SLC35F1: variants seen among roughly 807,000 people sequenced by gnomAD.
SLC35F1 encodes the protein solute carrier family 35 member F1, also known as chromosome 6 open reading frame 169.
A neutral mutation model predicts 48.7 loss-of-function variants in SLC35F1; 14 were observed. That is an observed-to-expected ratio of 0.29 (90% CI 0.19 to 0.45). The LOEUF is 0.45. Among genes scored for constraint, SLC35F1 ranks in the 20% least tolerant of loss-of-function variants. SLC35F1 has a pLI of 1.00. For synonymous variants in SLC35F1, 190 were observed against 202.2 expected (o/e 0.94, Z 0.51); for missense variants, 404 against 500.0 (o/e 0.81, Z 1.83).
chr6:118,301,860 G>T (rs1027042229), intron 7 of SLC35F1, among the ~76,000 whole-genome samples: 2 of 152,160 alleles, frequency 1.3e-5, no homozygotes, highest in Non-Finnish European at 2.9e-5. Context: ...TCTGACCCTT[G>T]ATGTAGACTG....
intron 1 of SLC35F1, among the ~76,000 whole-genome samples, chr6:118,109,074 A>C (rs1487532937): frequency 6.6e-6 from 1 of 152,186 alleles, no homozygotes; most frequent in African/African-American, 2.4e-5. Context: ...TCACATGTAG[A>C]AACAACTTTT....
At chr6:117,923,678 C>CATATGTACATATATGT (rs1562238734) in intron 1 of SLC35F1, among the ~76,000 whole-genome samples, 10 of 20,988 alleles carry the variant, frequency 4.8e-4, no homozygotes, top group Non-Finnish European at 7.1e-4. Context: ...CATATATGTA[C>CATATGTACATATATGT]ATATATACAT....
At chr6:118,274,117 T>C (rs955658112) in intron 4 of SLC35F1, among the ~76,000 whole-genome samples, 4 of 152,174 alleles carry the variant, frequency 2.6e-5, no homozygotes, top group Non-Finnish European at 5.9e-5. Flanking sequence ...ATGAGTCCTT[T>C]CCTTAGAATC....
intron 1 of SLC35F1, among the ~76,000 whole-genome samples, chr6:118,129,058 G>A (rs1049895050): frequency 1.6e-4 from 25 of 152,092 alleles, no homozygotes; most frequent in African/African-American, 3.9e-4. Flanking sequence ...GAGAGGCAAG[G>A]TGCTTGGAAG....
chr6:118,169,706 A>G (rs72963632), intron 2 of SLC35F1, among the ~76,000 whole-genome samples: 414 of 152,248 alleles, frequency 2.7e-3, no homozygotes, highest in Non-Finnish European at 4.4e-3. Flanking sequence ...CATTATAGGC[A>G]CTGGATGACC....
intron 2 of SLC35F1, among the ~76,000 whole-genome samples, chr6:118,188,759 A>C (rs1694642019): frequency 6.6e-6 from 1 of 152,058 alleles, no homozygotes. Flanking sequence ...TATCTTGGCT[A>C]TTGTGCTTTG....
intron 2 of SLC35F1, among the ~76,000 whole-genome samples, chr6:118,177,106 T>A (rs926029343): frequency 4.6e-5 from 7 of 152,110 alleles, no homozygotes; most frequent in African/African-American, 1.7e-4. Context: ...TTCCTGAAAG[T>A]CACCTCAAGT....
rs544186189 is a variant in SLC35F1 at position 118,231,602 on chromosome 6, A to G, written c.350-3907A>G. On this transcript the variant is annotated intron_variant, in intron 2 of 7. Coordinates refer to ENST00000360388, the MANE Select transcript of SLC35F1 (RefSeq NM_001029858.4). ...ATTCTGCTAAGCAAGCATGTTGTCT[A>G]TTTTCAGGTACTTCAAATGAAACAA... Among the ~76,000 whole-genome samples, 9 of 152,300 alleles carry G rather than the reference A, an allele frequency of 5.9e-5. No homozygotes were observed. In the South Asian group the frequency reaches 1.9e-3, roughly 32 times the overall value.
intron 1 of SLC35F1, among the ~76,000 whole-genome samples, chr6:118,037,217 T>G (rs1772147292): frequency 6.6e-6 from 1 of 152,216 alleles, no homozygotes; most frequent in South Asian, 2.1e-4. Flanking sequence ...TCTTTTTATT[T>G]AAATCTTTTT....
At chr6:118,153,372 A>G (rs957711437) in intron 1 of SLC35F1, among the ~76,000 whole-genome samples, 4 of 152,232 alleles carry the variant, frequency 2.6e-5, no homozygotes, top group East Asian at 1.9e-4. Context: ...TTATTATACA[A>G]TGTGAACATG....
intron 3 of SLC35F1, among the ~76,000 whole-genome samples, chr6:118,242,916 GC>G (rs1708707662): frequency 6.6e-6 from 1 of 152,154 alleles, no homozygotes; most frequent in African/African-American, 2.4e-5. Context: ...TTCACACAGT[GC>G]ATATTTCACA....
intron 1 of SLC35F1, among the ~76,000 whole-genome samples, chr6:118,121,670 T>A (rs531589231): frequency 6.6e-6 from 1 of 152,318 alleles, no homozygotes; most frequent in Non-Finnish European, 1.5e-5. Flanking sequence ...ATTCTGGTGC[T>A]TAACACCCCA....
At chr6:118,224,863 T>C (rs1294784694) in intron 2 of SLC35F1, among the ~76,000 whole-genome samples, 1 of 152,196 alleles carries the variant, frequency 6.6e-6, no homozygotes, top group East Asian at 1.9e-4. Context: ...ACAAGGCTAA[T>C]TTGACTTTTT....
intron 2 of SLC35F1, among the ~76,000 whole-genome samples, chr6:118,171,760 A>G (rs1774407332): frequency 6.6e-6 from 1 of 152,210 alleles, no homozygotes; most frequent in African/African-American, 2.4e-5. Flanking sequence ...GCAACATGAA[A>G]TAACTTTTAA....
At chr6:118,243,364 A>G (rs1011640669) in intron 3 of SLC35F1, among the ~76,000 whole-genome samples, 7 of 152,328 alleles carry the variant, frequency 4.6e-5, no homozygotes, top group East Asian at 1.9e-4. Context: ...CTGCAATCCC[A>G]GCACTTTGCG....
At chr6:118,212,786 GGAAGGAAA>G (rs1469149238) in intron 2 of SLC35F1, among the ~76,000 whole-genome samples, 21 of 137,012 alleles carry the variant, frequency 1.5e-4, no homozygotes, top group African/African-American at 4.9e-4. Context: ...AAGGAAGGAA[GGAAGGAAA>G]GAAGGAAGGG....
chr6:118,311,720 G>T (rs999322251), intron 7 of SLC35F1, among the ~76,000 whole-genome samples: 1 of 152,144 alleles, frequency 6.6e-6, no homozygotes, highest in African/African-American at 2.4e-5. Context: ...GATTCTGGAA[G>T]ATTGATGCTG....
intron 7 of SLC35F1, among the ~76,000 whole-genome samples, chr6:118,287,472 A>C (rs1776065055): frequency 6.6e-6 from 1 of 152,228 alleles, no homozygotes; most frequent in South Asian, 2.1e-4. Flanking sequence ...CTGCTTGGGC[A>C]GTTCAGACCC....
intron 1 of SLC35F1, among the ~76,000 whole-genome samples, chr6:118,083,282 G>T (rs1420825455): frequency 2.6e-5 from 4 of 152,100 alleles, no homozygotes; most frequent in African/African-American, 9.7e-5. Context: ...CAAATGTTTG[G>T]ACAGATACTA....
Sources: allele counts gnomAD v4.1 joint callset (sites outside exome capture counted in the v4.1 genomes callset), GRCh38; gene constraint gnomAD v4.1.1; transcripts MANE v1.5; gene names NCBI Gene and HGNC (gene_info 2026-07-23, HGNC 2026-07-21).